The following CAMKMT variants were observed in gnomAD, a reference collection of about 807,000 sequenced individuals.
CAMKMT encodes the protein calmodulin-lysine N-methyltransferase.
A neutral mutation model predicts 48.0 loss-of-function variants in CAMKMT; 53 were observed. The ratio of observed to expected loss-of-function variants is 1.10; its 90% CI spans 0.89 to 1.39. CAMKMT has a LOEUF of 1.39. Ranked by LOEUF, CAMKMT falls within the 40% of genes most tolerant of loss-of-function variation. The pLI, the probability that CAMKMT is intolerant of heterozygous loss-of-function variation, is 0.00. For synonymous variants in CAMKMT, 165 were observed against 152.3 expected, an observed-to-expected ratio of 1.08 and a Z score of -0.61; for missense variants, 428 against 402.7, an observed-to-expected ratio of 1.06 and a Z score of -0.54.
intron 3 of CAMKMT, chr2:44,549,925 T>C: frequency 3.7e-6 from 1 of 270,442 alleles, no homozygotes; most frequent in Non-Finnish European, 6.8e-6. Flanking sequence ...TGTAGAGTTC[T>C]AGGATTTTTG....
intron 3 of CAMKMT, among the ~76,000 whole-genome samples, chr2:44,681,287 A>C (rs1476860457): frequency 6.6e-6 from 1 of 152,198 alleles, no homozygotes; most frequent in Non-Finnish European, 1.5e-5. Flanking sequence ...AGTCACCAAT[A>C]AATGGCCTTG....
chr2:44,580,267 G>A (rs4953111), intron 3 of CAMKMT, among the ~76,000 whole-genome samples: 90,083 of 147,972 alleles, frequency 0.61, 28,096 homozygotes, highest in Middle Eastern at 0.72. Flanking sequence ...ATAAAATAAA[G>A]TAAAATAAAA....
At chr2:44,671,635 C>T (rs1332664815) in intron 3 of CAMKMT, among the ~76,000 whole-genome samples, 1 of 152,206 alleles carries the variant, frequency 6.6e-6, no homozygotes, top group Non-Finnish European at 1.5e-5. Context: ...GGTTGAGAAC[C>T]ACTGATTTAG....
At chr2:44,688,484 A>G (rs1299205498) in intron 3 of CAMKMT, among the ~76,000 whole-genome samples, 5 of 150,684 alleles carry the variant, frequency 3.3e-5, no homozygotes, top group African/African-American at 1.2e-4. Context: ...ATATATGTGT[A>G]TATATACACA....
intron 3 of CAMKMT, among the ~76,000 whole-genome samples, chr2:44,496,294 C>T (rs910271594): frequency 3.3e-5 from 5 of 152,172 alleles, no homozygotes; most frequent in East Asian, 1.9e-4. Context: ...CATATTTTTC[C>T]GATACTATTG....
At chr2:44,552,039 T>C (rs371294138) in intron 3 of CAMKMT, among the ~76,000 whole-genome samples, 1 of 152,142 alleles carries the variant, frequency 6.6e-6, no homozygotes, top group East Asian at 1.9e-4. Flanking sequence ...TTTTGTTACA[T>C]GGACATATTG....
intron 7 of CAMKMT, among the ~76,000 whole-genome samples, chr2:44,716,460 T>A (rs997065619): frequency 9.2e-5 from 14 of 152,216 alleles, no homozygotes; most frequent in Non-Finnish European, 1.8e-4. Flanking sequence ...TTTTTTCTCT[T>A]ATATTAATTG....
chr2:44,503,232 G>A (rs890285803), intron 3 of CAMKMT, among the ~76,000 whole-genome samples: 2 of 151,682 alleles, frequency 1.3e-5, no homozygotes, highest in Admixed American at 1.3e-4. Flanking sequence ...TTCAGGTTTG[G>A]CCCAAAAGCA....
chr2:44,474,446 C>T lies in CAMKMT; in HGVS notation c.376+84141C>T, dbSNP rs370551115. ...TGGGTGACAGAGCGAGACTCCGTCTCAAAAAAAAAAAAAAAAAGAAAAAGA... is the reference window on the plus strand; with the variant it reads ...TGGGTGACAGAGCGAGACTCCGTCTTAAAAAAAAAAAAAAAAAGAAAAAGA... On this transcript the variant is annotated intron_variant, in intron 3 of 10. Transcript: ENST00000378494. Among the ~76,000 whole-genome samples, 3 of 58,030 alleles carry T rather than the reference C, an allele frequency of 5.2e-5. No individual in the cohort carries two copies. In the Admixed American group the frequency reaches 5.4e-4, roughly 11 times the overall value. 38.1% of individuals were successfully genotyped at this position (58,030 alleles called of 152,430 possible). A position where few individuals can be genotyped will look rare whatever the true frequency, so the allele number is the denominator to read the frequency against.
chr2:44,503,286 A>T lies in CAMKMT; in HGVS notation c.376+112981A>T, dbSNP rs192834988. 3.5e-3 allele frequency among the ~76,000 whole-genome samples: 539 copies of T among 152,258 alleles called. 2 individuals carry two copies. Among genetic ancestry groups the T allele is most frequent in the African/African-American group, 0.013 (520 of 41,560 alleles). On this transcript the variant is annotated intron_variant, in intron 3 of 10. Coordinates refer to ENST00000378494, the MANE Select transcript of CAMKMT (RefSeq NM_024766.5). Reference sequence around the variant, plus strand: ...GACCTACCTTTGTTAGAAACTTTGCATATCTAAATCATTGCTTGCAAGAGT... The same window carrying T: ...GACCTACCTTTGTTAGAAACTTTGCTTATCTAAATCATTGCTTGCAAGAGT...
intron 3 of CAMKMT, among the ~76,000 whole-genome samples, chr2:44,508,121 G>A (rs1396806303): frequency 1.3e-5 from 2 of 152,164 alleles, no homozygotes; most frequent in Admixed American, 6.5e-5. Context: ...ACAAGTAACA[G>A]TGACTTTAAG....
chr2:44,475,186 GTAGA>G (rs991358657), intron 3 of CAMKMT, among the ~76,000 whole-genome samples: 1 of 152,104 alleles, frequency 6.6e-6, no homozygotes, highest in Non-Finnish European at 1.5e-5. Flanking sequence ...AAATTTTAAA[GTAGA>G]TAAATTAGGC....
Position 44,563,142 on chromosome 2 carries a change from T to C in CAMKMT, c.377-141141T>C, listed in dbSNP as rs1403006496. 3.3e-5 allele frequency among the ~76,000 whole-genome samples: 5 copies of C among 151,980 alleles called. 1 individual carries two copies. Among genetic ancestry groups the C allele is most frequent in the Non-Finnish European group, 7.4e-5 (5 of 67,966 alleles). On this transcript the variant is annotated intron_variant, in intron 3 of 10. Transcript: ENST00000378494. ...AGGTTTACTTTTATTGAATTAATTT[T>C]TAAATTATTGTTATAAAAATAATCC...
At chr2:44,719,704 C>T (rs1287564913) in intron 7 of CAMKMT, among the ~76,000 whole-genome samples, 3 of 152,170 alleles carry the variant, frequency 2.0e-5, no homozygotes, top group African/African-American at 4.8e-5. Flanking sequence ...AATCAGACAT[C>T]CATTTCTACA....
At chr2:44,588,207 GCC>G (rs1669998296) in intron 3 of CAMKMT, among the ~76,000 whole-genome samples, 1 of 116,908 alleles carries the variant, frequency 8.6e-6, no homozygotes, top group Non-Finnish European at 1.8e-5. Context: ...CCTGGCAACC[GCC>G]CCGTCTGAGA....
chr2:44,458,490 T>TA (rs1307442068), intron 3 of CAMKMT, among the ~76,000 whole-genome samples: 3 of 152,238 alleles, frequency 2.0e-5, no homozygotes, highest in Non-Finnish European at 4.4e-5. Context: ...AGGTGCTCAA[T>TA]AAATGTCAGC....
chr2:44,614,684 G>C (rs1049190145), intron 3 of CAMKMT, among the ~76,000 whole-genome samples: 2 of 152,108 alleles, frequency 1.3e-5, no homozygotes, highest in African/African-American at 4.8e-5. Flanking sequence ...GTCAAGAAAA[G>C]CCTCATTGAG....
intron 3 of CAMKMT, among the ~76,000 whole-genome samples, chr2:44,518,058 G>A (rs958215115): frequency 6.6e-6 from 1 of 152,112 alleles, no homozygotes; most frequent in Non-Finnish European, 1.5e-5. Flanking sequence ...CTTAGGGGGC[G>A]GGGATAGTGT....
At chr2:44,744,114 G>C (rs1231830797) in intron 8 of CAMKMT, among the ~76,000 whole-genome samples, 1 of 152,150 alleles carries the variant, frequency 6.6e-6, no homozygotes, top group Non-Finnish European at 1.5e-5. Flanking sequence ...ATATGTGTGT[G>C]TGTACACACA....
Sources: gnomAD v4.1 joint callset for allele counts (sites outside exome capture counted in the v4.1 genomes callset) on GRCh38, gnomAD v4.1.1 for gene constraint, MANE v1.5 for transcripts, NCBI Gene and HGNC (gene_info 2026-07-23, HGNC 2026-07-21) for gene names.